CWC22: variants seen among roughly 807,000 people sequenced by gnomAD.
The protein encoded by CWC22 is CWC22 spliceosome associated protein.
CWC22 carries 53 observed loss-of-function variants against 117.2 expected under a neutral mutation model. That is an observed-to-expected ratio of 0.45 (90% CI 0.36 to 0.57). The LOEUF is 0.57. Ranked by LOEUF, CWC22 falls within the 20% of genes least tolerant of loss-of-function variation. CWC22 has a pLI of 0.00. For missense variants in CWC22, 980 were observed against 1,068.8 expected, an observed-to-expected ratio of 0.92 and a Z score of 1.16; for synonymous variants, 360 against 355.6, an observed-to-expected ratio of 1.01 and a Z score of -0.14.
Position 179,965,945 on chromosome 2 carries a change from G to A in CWC22, c.1248C>T (p.Asp416=). 1 of 1,611,266 alleles carries A rather than the reference G, an allele frequency of 6.2e-7. No individual in the cohort carries two copies. Among genetic ancestry groups the A allele is most frequent in the African/African-American group, 1.3e-5 (1 of 74,850 alleles). The part of the protein sequence containing the change: ...LDEGDTDSNT[D]QDAGSSEEDE... Reference sequence around the variant, plus strand: ...CCTCTTCACTACTCCCAGCATCCTGGTCTGTGTTCGAGTCAGTATCTCCCT... The same window carrying A: ...CCTCTTCACTACTCCCAGCATCCTGATCTGTGTTCGAGTCAGTATCTCCCT... Residue 416 remains aspartate, a synonymous_variant, in exon 12 of 20, where the codon GAC becomes GAT. Coordinates refer to ENST00000410053, the MANE Select transcript of CWC22 (RefSeq NM_020943.3).
chr2:179,993,573 T>C (rs1300869593), intron 1 of CWC22, 119 bp from the exon 2 acceptor site: 1 of 471,192 alleles, frequency 2.1e-6, no homozygotes, highest in Non-Finnish European at 3.8e-6. Context: ...TAAACAAATA[T>C]AATAAAAATT....
intron 2 of CWC22, among the ~76,000 whole-genome samples, chr2:179,991,393 A>G (rs1371001712): frequency 1.3e-5 from 2 of 152,214 alleles, no homozygotes; most frequent in African/African-American, 4.8e-5. Flanking sequence ...AGAAAGAATC[A>G]GCATCAACCC....
intron 1 of CWC22, among the ~76,000 whole-genome samples, chr2:180,001,322 T>A (rs900998076): frequency 5.3e-5 from 8 of 151,882 alleles, no homozygotes; most frequent in African/African-American, 1.9e-4. Context: ...TGCCTCTAAT[T>A]TTTTTTTCTT....
intron 1 of CWC22, among the ~76,000 whole-genome samples, chr2:179,998,966 AC>A (rs1446577266): frequency 1.1e-4 from 16 of 152,268 alleles, no homozygotes; most frequent in East Asian, 3.9e-4. Context: ...ATTTCAATTT[AC>A]ATATTTCAAT....
Position 179,981,867 on chromosome 2 carries a change from G to T in CWC22, c.337C>A (p.Pro113Thr). The change falls in exon 5 of 20, where the codon CCT becomes ACT. Residue 113 changes from proline (P) to threonine (T), a missense_variant. Physicochemically the swap from Pro to Thr is conservative, Grantham distance 38. Coordinates refer to ENST00000410053, the MANE Select transcript of CWC22 (RefSeq NM_020943.3). ...VTQSSSAQDEPATKKKKDELD... is the reference protein window; with the variant it reads ...VTQSSSAQDETATKKKKDELD... Reference sequence around the variant, plus strand: ...TCATCTTTCTTTTTCTTTGTAGCAGGTTCATCCTGAGCAGAGGAACTCTGA... The same window carrying T: ...TCATCTTTCTTTTTCTTTGTAGCAGTTTCATCCTGAGCAGAGGAACTCTGA... 1 of 1,613,100 alleles carries T rather than the reference G, an allele frequency of 6.2e-7. No individual in the cohort carries two copies. The highest frequency in any genetic ancestry group is 8.5e-7 in the Non-Finnish European group (1 of 1,179,488).
At chr2:179,962,529 A>G (rs775446713) in intron 13 of CWC22, among the ~76,000 whole-genome samples, 4 of 152,130 alleles carry the variant, frequency 2.6e-5, no homozygotes, top group Non-Finnish European at 4.4e-5. Context: ...CTGACTTAAT[A>G]TTACATCACA....
At position 179,954,293 on chromosome 2, in the gene CWC22, T is replaced by A. The variant is rs763595267; in HGVS notation, c.1601A>T (p.Asp534Val). ...SFEGIFKEQY[D>V]TIHRLETNKL... ...GTTTGTTTCCAAGCGATGGATGGTA[T>A]CATACTGTTCTTTGAATATACCTTC... The change falls in exon 16 of 20, where the codon GAT becomes GTT. Residue 534 changes from aspartate to valine, a missense_variant. By Grantham distance (152) the Asp-to-Val change is radical. Around this residue, in one of 3 missense-constraint regions of CWC22, gnomAD observed 115 missense variants for 169.8 expected, o/e 0.68. Coordinates refer to ENST00000410053, the MANE Select transcript of CWC22 (RefSeq NM_020943.3). 4.3e-6 allele frequency: 7 copies of A among 1,609,228 alleles called. No individual in the cohort carries two copies. In the South Asian group the frequency reaches 7.7e-5, roughly 18 times the overall value.
intron 2 of CWC22, among the ~76,000 whole-genome samples, chr2:179,988,924 ATTTTTTAT>A (rs1687491294): frequency 6.7e-6 from 1 of 148,818 alleles, no homozygotes; most frequent in South Asian, 2.1e-4. Context: ...TTTTTATTTT[ATTTTTTAT>A]TTCAATAGTT....
chr2:179,980,478 T>C (rs975076686), intron 5 of CWC22, among the ~76,000 whole-genome samples: 6 of 148,118 alleles, frequency 4.1e-5, no homozygotes, highest in Admixed American at 1.4e-4. Context: ...AGTGCAGTGG[T>C]GCGATCTCGG....
chr2:179,983,357 T>C (rs1355635685), intron 4 of CWC22, among the ~76,000 whole-genome samples: 2 of 152,106 alleles, frequency 1.3e-5, no homozygotes, highest in African/African-American at 4.8e-5. Context: ...AATGAGAACA[T>C]GTGGTATTTG....
intron 19 of CWC22, among the ~76,000 whole-genome samples, chr2:179,946,468 G>A (rs201941240): frequency 1.2e-4 from 15 of 127,494 alleles, no homozygotes; most frequent in Non-Finnish European, 1.5e-4. Flanking sequence ...AAAAAAAGGG[G>A]GGGGGGGAAG....
chr2:179,954,758 G>A (rs1001368663), intron 15 of CWC22, among the ~76,000 whole-genome samples, 199 bp downstream of exon 15: 1 of 152,046 alleles, frequency 6.6e-6, no homozygotes, highest in African/African-American at 2.4e-5. Flanking sequence ...CTGGAAAAGT[G>A]ATATGCAAAG....
At chr2:179,984,136 A>T (rs1687356109) in intron 4 of CWC22, among the ~76,000 whole-genome samples, 1 of 152,146 alleles carries the variant, frequency 6.6e-6, no homozygotes, top group African/African-American at 2.4e-5. Context: ...GTTATACTGA[A>T]GTACAACAGT....
At chr2:179,968,527 A>T (rs1218670434) in intron 11 of CWC22, among the ~76,000 whole-genome samples, 5 of 151,058 alleles carry the variant, frequency 3.3e-5, no homozygotes, top group Non-Finnish European at 1.5e-5. Flanking sequence ...TACAAAATAT[A>T]AAAAACACCA....
intron 17 of CWC22, among the ~76,000 whole-genome samples, chr2:179,951,208 T>C (rs1218933206): frequency 1.3e-5 from 2 of 151,950 alleles, no homozygotes; most frequent in Admixed American, 6.6e-5. Context: ...TATATACACA[T>C]ATATACACGT....
chr2:179,999,159 T>C (rs1687784044), intron 1 of CWC22, among the ~76,000 whole-genome samples: 1 of 152,156 alleles, frequency 6.6e-6, no homozygotes, highest in Non-Finnish European at 1.5e-5. Flanking sequence ...AGTATTGTCA[T>C]TGTCCAGATT....
chr2:179,999,204 C>T (rs867401956), intron 1 of CWC22, among the ~76,000 whole-genome samples: 1 of 152,098 alleles, frequency 6.6e-6, no homozygotes, highest in Non-Finnish European at 1.5e-5. Context: ...ATTCTGAGTT[C>T]AACATATGCA....
chr2:179,977,972 G>C (rs1336559873), intron 6 of CWC22, among the ~76,000 whole-genome samples: 1 of 152,114 alleles, frequency 6.6e-6, no homozygotes, highest in East Asian at 1.9e-4. Context: ...TGAAATCAAA[G>C]CTTCTCAAAA....
At chr2:179,991,367 G>A (rs1409937985) in intron 2 of CWC22, among the ~76,000 whole-genome samples, 17 of 152,154 alleles carry the variant, frequency 1.1e-4, no homozygotes, top group Non-Finnish European at 2.1e-4. Context: ...CAAGGGAAGA[G>A]CTGAGTTTCA....
Sources: allele counts gnomAD v4.1 joint callset (sites outside exome capture counted in the v4.1 genomes callset), GRCh38; gene constraint gnomAD v4.1.1; regional missense constraint gnomAD v4.1.1; transcripts MANE v1.5; gene names NCBI Gene and HGNC (gene_info 2026-07-23, HGNC 2026-07-21).